ZNF407: variants seen among roughly 807,000 people sequenced by gnomAD.
ZNF407 encodes the protein zinc finger protein 407.
Under a neutral mutation model 131.2 loss-of-function variants are expected in ZNF407, and 17 were observed. The observed-to-expected ratio is 0.13, with a 90% CI of 0.09 to 0.19. ZNF407 has a LOEUF of 0.19. Among genes scored for constraint, ZNF407 ranks in the 10% least tolerant of loss-of-function variants. The pLI is 1.00. For synonymous variants in ZNF407, 1,156 were observed against 1,062.0 expected (o/e 1.09, Z -1.72); for missense variants, 2,681 against 2,830.6 (o/e 0.95, Z 1.20).
intron 7 of ZNF407, among the ~76,000 whole-genome samples, chr18:74,895,074 C>T (rs1683532659): frequency 6.6e-6 from 1 of 152,030 alleles, no homozygotes; most frequent in African/African-American, 2.4e-5. Flanking sequence ...CAGTCCCTGC[C>T]TCATATTGAA....
rs370180613 is a variant in ZNF407 at position 74,705,958 on chromosome 18, T to C, written c.4802+64836T>C. ...CAGTGTCCTTGTCAGCTACTAAAGATCATTTTCTGTTTTCCTTTTTCAACT... is the reference window on the plus strand; with the variant it reads ...CAGTGTCCTTGTCAGCTACTAAAGACCATTTTCTGTTTTCCTTTTTCAACT... On this transcript the variant is annotated intron_variant, in intron 3 of 8. Coordinates refer to ENST00000299687, the MANE Select transcript of ZNF407 (RefSeq NM_017757.3). 2.4e-4 allele frequency among the ~76,000 whole-genome samples: 37 copies of C among 152,308 alleles called. No individual in the cohort carries two copies. In the South Asian group the frequency reaches 6.8e-3, roughly 28 times the overall value.
At chr18:74,885,646 AG>A (rs1446504062) in intron 6 of ZNF407, among the ~76,000 whole-genome samples, 1 of 152,198 alleles carries the variant, frequency 6.6e-6, no homozygotes, top group Non-Finnish European at 1.5e-5. Flanking sequence ...TATTAGTGGA[AG>A]AGAATGGAGA....
chr18:74,726,812 C>G (rs1968168803), intron 3 of ZNF407, among the ~76,000 whole-genome samples: 1 of 152,130 alleles, frequency 6.6e-6, no homozygotes, highest in Non-Finnish European at 1.5e-5. Flanking sequence ...ATCCTGGATT[C>G]ATTATGCTCA....
At chr18:74,673,472 T>C (rs1187846732) in intron 3 of ZNF407, among the ~76,000 whole-genome samples, 3 of 152,154 alleles carry the variant, frequency 2.0e-5, no homozygotes, top group East Asian at 3.9e-4. Context: ...GTGATTACAT[T>C]GTGTCTGCTA....
At chr18:74,713,122 A>G (rs1332060522) in intron 3 of ZNF407, among the ~76,000 whole-genome samples, 3 of 152,148 alleles carry the variant, frequency 2.0e-5, no homozygotes, top group Non-Finnish European at 4.4e-5. Flanking sequence ...CGGTACAGCT[A>G]GCGCTTGGGT....
At chr18:74,911,470 C>G (rs963879056) in intron 7 of ZNF407, among the ~76,000 whole-genome samples, 4 of 152,168 alleles carry the variant, frequency 2.6e-5, no homozygotes, top group African/African-American at 9.7e-5. Flanking sequence ...TGGTGTAAGT[C>G]TCTGTTTAGC....
intron 3 of ZNF407, among the ~76,000 whole-genome samples, chr18:74,716,463 G>A (rs1048387766): frequency 1.3e-5 from 2 of 152,192 alleles, no homozygotes; most frequent in African/African-American, 4.8e-5. Context: ...CACAAATGCT[G>A]AGGTTAGGAG....
chr18:74,829,326 A>G (rs1970451334), intron 4 of ZNF407, among the ~76,000 whole-genome samples: 1 of 152,234 alleles, frequency 6.6e-6, no homozygotes, highest in African/African-American at 2.4e-5. Context: ...AATGGTTAGT[A>G]CTGTTATGAA....
chr18:74,763,196 C>CTTTTTTTTTTTTT (rs71170316), intron 3 of ZNF407, among the ~76,000 whole-genome samples: 1 of 17,784 alleles, frequency 5.6e-5, no homozygotes. Context: ...TTCTTAGGAC[C>CTTTTTTTTTTTTT]TTTTTTTTTT....
chr18:74,780,489 A>T (rs1969576834), intron 3 of ZNF407, among the ~76,000 whole-genome samples: 1 of 152,200 alleles, frequency 6.6e-6, no homozygotes, highest in Admixed American at 6.5e-5. Context: ...TGCTAATTAA[A>T]ATCATATTTT....
At chr18:75,015,588 A>T (rs1486125059) in intron 8 of ZNF407, among the ~76,000 whole-genome samples, 1 of 148,192 alleles carries the variant, frequency 6.7e-6, no homozygotes, top group African/African-American at 2.5e-5. Context: ...TTACATATAT[A>T]TATATATATT....
At chr18:74,796,114 T>C (rs1354029031) in intron 4 of ZNF407, among the ~76,000 whole-genome samples, 1 of 152,238 alleles carries the variant, frequency 6.6e-6, no homozygotes, top group East Asian at 1.9e-4. Flanking sequence ...TAATGTGTTA[T>C]TTTCATTCTA....
intron 4 of ZNF407, among the ~76,000 whole-genome samples, chr18:74,856,717 A>G (rs1970863854): frequency 6.6e-6 from 1 of 152,220 alleles, no homozygotes; most frequent in South Asian, 2.1e-4. Context: ...GCAAACAGGA[A>G]TAATGTTTTA....
At chr18:74,721,604 A>T (rs1007088315) in intron 3 of ZNF407, among the ~76,000 whole-genome samples, 1 of 152,036 alleles carries the variant, frequency 6.6e-6, no homozygotes, top group African/African-American at 2.4e-5. Context: ...ATTTTTTTTT[A>T]TTTTCAAAAT....
rs1973466002 is a variant in ZNF407, at chr18:75,048,988, T to TG, written c.5429-14157dup. Among the ~76,000 whole-genome samples, 2 of 145,684 alleles carry TG rather than the reference T, an allele frequency of 1.4e-5. No homozygotes were observed. Among genetic ancestry groups the TG allele is most frequent in the South Asian group, 4.4e-4 (2 of 4,578 alleles). ...TCACCCTTGGCTGGCCTGGATGCAG[T>TG]GGGGGCAGTGCTGCCAGCCACGCTC... On this transcript the variant is annotated intron_variant, in intron 8 of 8. Transcript: ENST00000299687. This position sits in a 1 kb window ranked among gnomAD's most constrained non-coding sequence, Gnocchi z 4.1.
At chr18:74,623,011 AAT>A (rs758692833) in intron 1 of ZNF407, among the ~76,000 whole-genome samples, 3 of 144,020 alleles carry the variant, frequency 2.1e-5, no homozygotes, top group Non-Finnish European at 3.1e-5. Context: ...TGTTAGTCTG[AAT>A]GTGAGTTGGT....
chr18:74,747,306 G>A (rs993493925), intron 3 of ZNF407, among the ~76,000 whole-genome samples: 22 of 152,146 alleles, frequency 1.4e-4, no homozygotes, highest in Admixed American at 1.0e-3. Flanking sequence ...AGTCATTTCC[G>A]GAAGGGAATT....
intron 8 of ZNF407, among the ~76,000 whole-genome samples, chr18:74,923,884 TCTTTTA>T (rs1206940201): frequency 2.0e-5 from 3 of 152,318 alleles, no homozygotes; most frequent in South Asian, 4.1e-4. Context: ...AAATATTTAG[TCTTTTA>T]CTTTAGTATT....
At chr18:74,669,492 C>T (rs923162336) in intron 3 of ZNF407, among the ~76,000 whole-genome samples, 1 of 152,218 alleles carries the variant, frequency 6.6e-6, no homozygotes. Context: ...TTGCCTTTCT[C>T]TCAGGCTCTC....
Sources: allele counts gnomAD v4.1 joint callset (sites outside exome capture counted in the v4.1 genomes callset), GRCh38; gene constraint gnomAD v4.1.1; non-coding constraint Gnocchi (gnomAD v3.1); transcripts MANE v1.5; gene names NCBI Gene and HGNC (gene_info 2026-07-23, HGNC 2026-07-21).